SLIT1: variants seen among roughly 807,000 people sequenced by gnomAD.
SLIT1 encodes slit guidance ligand 1.
Under a neutral mutation model 186.1 loss-of-function variants are expected in SLIT1, and 66 were observed. That is an observed-to-expected ratio of 0.35 (90% CI 0.29 to 0.44). The LOEUF (loss-of-function observed/expected upper bound fraction) is 0.44, where lower values mean the gene tolerates loss of function less well. Among genes scored for constraint, SLIT1 ranks in the 20% least tolerant of loss-of-function variants. SLIT1 has a pLI of 1.00. For synonymous variants in SLIT1, 761 were observed against 833.8 expected (o/e 0.91, Z 1.50); for missense variants, 1,638 against 2,037.4 (o/e 0.80, Z 3.77).
At chr10:97,091,360 G>A (rs939687491) in intron 4 of SLIT1, among the ~76,000 whole-genome samples, 13 of 152,204 alleles carry the variant, frequency 8.5e-5, no homozygotes, top group African/African-American at 2.9e-4. Context: ...ACTGATTAGG[G>A]TCTGTCCTCT....
At chr10:97,029,073 C>T (rs11188993) in intron 25 of SLIT1, among the ~76,000 whole-genome samples, 2,894 of 152,236 alleles carry the variant, frequency 0.019, 74 homozygotes, top group East Asian at 0.082. Flanking sequence ...ACATAAAACG[C>T]ACTTCCCGGT....
chr10:97,147,857 C>A (rs2784931), intron 4 of SLIT1, among the ~76,000 whole-genome samples: 97,019 of 151,826 alleles, frequency 0.64, 33,006 homozygotes, highest in Admixed American at 0.77. Flanking sequence ...GCATTCCCAC[C>A]CCTGTGTCTG....
chr10:97,010,886 C>T lies in SLIT1; in HGVS notation c.3341+107G>A, dbSNP rs1848404434. ...GGTTAAAACCCCAGCATCCAACTTC[C>T]AGGCTCTGACCCACACCCCTTTCCT... On this transcript the variant is annotated intron_variant, in intron 31 of 36. Coordinates refer to ENST00000266058, the MANE Select transcript of SLIT1 (RefSeq NM_003061.3). The surrounding 1 kb of genome is among the most constrained non-coding windows in gnomAD (Gnocchi z 4.8). 9.1e-7 allele frequency: 1 copy of T among 1,097,516 alleles called. No individual in the cohort carries two copies. The highest frequency in any genetic ancestry group is 1.3e-6 in the Non-Finnish European group (1 of 762,308). 68.0% of individuals were successfully genotyped at this position (1,097,516 alleles called of 1,614,324 possible).
intron 23 of SLIT1, among the ~76,000 whole-genome samples, chr10:97,032,172 A>T (rs1027134364): frequency 4.6e-5 from 7 of 152,224 alleles, no homozygotes; most frequent in African/African-American, 1.7e-4. Context: ...TTTACTATTG[A>T]AAAGCTGTGA....
intron 4 of SLIT1, among the ~76,000 whole-genome samples, chr10:97,092,997 C>T (rs773083976): frequency 6.6e-6 from 1 of 152,232 alleles, no homozygotes; most frequent in African/African-American, 2.4e-5. Context: ...GGTTACACAG[C>T]TGGGAGTCCA....
intron 4 of SLIT1, among the ~76,000 whole-genome samples, chr10:97,108,057 G>A (rs1035726445): frequency 4.6e-5 from 7 of 152,208 alleles, no homozygotes; most frequent in African/African-American, 9.6e-5. Flanking sequence ...CTGCCCCAGC[G>A]TTCACTGCCT....
intron 1 of SLIT1, among the ~76,000 whole-genome samples, chr10:97,171,468 T>C (rs980142231): frequency 6.6e-6 from 1 of 152,184 alleles, no homozygotes; most frequent in Non-Finnish European, 1.5e-5. Context: ...AATCTGATCA[T>C]GTTACTCCCC....
chr10:97,057,708 C>T (rs544052841), intron 11 of SLIT1: 9 of 405,288 alleles, frequency 2.2e-5, no homozygotes, highest in African/African-American at 5.9e-5. Flanking sequence ...GAATGCCAGA[C>T]GGCATATGCA....
Position 97,135,148 on chromosome 10 carries a change from G to A in SLIT1, c.413+22670C>T, listed in dbSNP as rs1054224930. Among the ~76,000 whole-genome samples, 3 of 152,232 alleles carry A rather than the reference G, an allele frequency of 2.0e-5. No homozygotes were observed. The East Asian group carries it at 5.8e-4, about 29-fold the overall frequency. ...GCCTGGGGAAAGCCCCGTGCCTGCAGAGTCGAAGGCACGGGCTTCACGAAC... is the reference window on the plus strand; with the variant it reads ...GCCTGGGGAAAGCCCCGTGCCTGCAAAGTCGAAGGCACGGGCTTCACGAAC... On this transcript the variant is annotated intron_variant, in intron 4 of 36. Coordinates refer to ENST00000266058, the MANE Select transcript of SLIT1 (RefSeq NM_003061.3).
At chr10:97,178,809 G>A (rs1170148965) in intron 1 of SLIT1, among the ~76,000 whole-genome samples, 1 of 151,908 alleles carries the variant, frequency 6.6e-6, no homozygotes, top group Non-Finnish European at 1.5e-5. Context: ...GTGTGTGTGT[G>A]TGTGTGATTA....
At chr10:97,123,937 C>T (rs756744280) in intron 4 of SLIT1, among the ~76,000 whole-genome samples, 2 of 152,172 alleles carry the variant, frequency 1.3e-5, no homozygotes, top group East Asian at 1.9e-4. Flanking sequence ...CCAGCCATCA[C>T]GTGGAGTAGG....
chr10:97,001,181 G>T lies in SLIT1; in HGVS notation c.4536C>A (p.Cys1512Ter). The change falls in exon 37 of 37, where the codon TGC becomes TGA. Residue 1512 changes from cysteine to a stop codon, truncating the protein, a stop_gained. Transcript: ENST00000266058. LOFTEE classifies it high-confidence loss of function. ...CCTCGGCAAAAGAGGTCCCATCGCT[G>T]CACTCAAAGGTGAACTTCCTCCGCT... Reference protein sequence around the residue: ...RLKRRKFTFECSDGTSFAEEV... With the variant: ...RLKRRKFTFE 6.2e-7 allele frequency: 1 copy of T among 1,613,302 alleles called. No homozygotes were observed. Among genetic ancestry groups the T allele is most frequent in the Non-Finnish European group, 8.5e-7 (1 of 1,179,868 alleles).
intron 4 of SLIT1, among the ~76,000 whole-genome samples, chr10:97,128,593 G>A (rs1325031506): frequency 6.6e-6 from 1 of 152,196 alleles, no homozygotes; most frequent in Non-Finnish European, 1.5e-5. Flanking sequence ...CATTGTGTGT[G>A]CAGGATCCAC....
chr10:97,004,670 TG>T lies in SLIT1; in HGVS notation c.3710+22del, dbSNP rs1290774015. ...GCAGTCCCGTACCCCTGAGGGCAGC[TG>T]GGGGGCATAAGGAAGCCCTACCTGT... is the stretch of plus-strand genomic sequence containing the variant. On this transcript the variant is annotated intron_variant, in intron 33 of 36. Coordinates refer to ENST00000266058, the MANE Select transcript of SLIT1 (RefSeq NM_003061.3). This position sits in a 1 kb window ranked among gnomAD's most constrained non-coding sequence, Gnocchi z 5.1. 2 of 1,613,662 alleles carry T rather than the reference TG, an allele frequency of 1.2e-6. No individual in the cohort carries two copies. The highest frequency in any genetic ancestry group is 1.7e-6 in the Non-Finnish European group (2 of 1,179,844).
At chr10:97,030,645 A>G in intron 25 of SLIT1, 112 bp downstream of exon 25, 1 of 884,688 alleles carries the variant, frequency 1.1e-6, no homozygotes, top group Non-Finnish European at 1.9e-6. Context: ...TCCCAAGCTT[A>G]ATTTCAGAGT....
In SLIT1 at chr10:97,185,884, G is replaced by T. The variant is rs1286670905; in HGVS notation, c.-210C>A. 2.0e-6 allele frequency: 1 copy of T among 500,064 alleles called. No individual in the cohort carries two copies. Among genetic ancestry groups the T allele is most frequent in the Non-Finnish European group, 3.5e-6 (1 of 287,748 alleles). The allele number at this position is 500,064 out of a possible 1,614,324, so 31.0% of individuals were successfully genotyped here. A position where few individuals can be genotyped will look rare whatever the true frequency, so the allele number is the denominator to read the frequency against. On this transcript the variant is annotated 5_prime_UTR_variant, in exon 1 of 37. Transcript: ENST00000266058. ...AGGGAGGGCGCCTTGGGCGGAGGGG[G>T]CTCGGCTCCTCTGCCGTTTCGCCGC...
chr10:97,079,519 C>G lies in SLIT1; in HGVS notation c.414-13433G>C, dbSNP rs572088228. 2.6e-5 allele frequency among the ~76,000 whole-genome samples: 4 copies of G among 152,346 alleles called. No homozygotes were observed. The South Asian group carries it at 8.3e-4, about 32-fold the overall frequency. Reference sequence around the variant, plus strand: ...GGCATTCAACAAATGCCAGTGCCCTCCCTCTCCAGTCCCTGCTGGAGGAGA... The same window carrying G: ...GGCATTCAACAAATGCCAGTGCCCTGCCTCTCCAGTCCCTGCTGGAGGAGA... On this transcript the variant is annotated intron_variant, in intron 4 of 36. Coordinates refer to ENST00000266058, the MANE Select transcript of SLIT1 (RefSeq NM_003061.3).
At chr10:97,143,592 C>G (rs1338923583) in intron 4 of SLIT1, among the ~76,000 whole-genome samples, 1 of 152,118 alleles carries the variant, frequency 6.6e-6, no homozygotes, top group Non-Finnish European at 1.5e-5. Flanking sequence ...AGAGTTAAGA[C>G]AGTAAGCTTT....
intron 3 of SLIT1, among the ~76,000 whole-genome samples, chr10:97,161,307 A>C (rs3000208): frequency 0.81 from 123,630 of 152,168 alleles, 53,218 homozygotes; most frequent in Non-Finnish European, 0.95. Flanking sequence ...TAAGTCTTTT[A>C]AAGAAAACAA....
Sources: allele counts gnomAD v4.1 joint callset (sites outside exome capture counted in the v4.1 genomes callset), GRCh38; gene constraint gnomAD v4.1.1; non-coding constraint Gnocchi (gnomAD v3.1); transcripts MANE v1.5; gene names NCBI Gene and HGNC (gene_info 2026-07-23, HGNC 2026-07-21).